Variants in BAIAP2L2 observed in about 807,000 individuals in gnomAD.
The protein encoded by BAIAP2L2 is BAR/IMD domain-containing adapter protein 2-like 2.
In BAIAP2L2, 65 loss-of-function variants were observed where a neutral mutation model predicts 60.4. That is an observed-to-expected ratio of 1.08 (90% CI 0.88 to 1.32). The LOEUF (loss-of-function observed/expected upper bound fraction) is 1.32. BAIAP2L2 is among the 40% of genes most tolerant of loss of function. The pLI, the probability that BAIAP2L2 is intolerant of heterozygous loss-of-function variation, is 0.00. For synonymous variants in BAIAP2L2, 344 were observed against 301.7 expected, an observed-to-expected ratio of 1.14 and a Z score of -1.45; for missense variants, 836 against 741.2, an observed-to-expected ratio of 1.13 and a Z score of -1.48.
chr22:38,092,423 T>A (rs971690261), intron 7 of BAIAP2L2, among the ~76,000 whole-genome samples: 2 of 152,080 alleles, frequency 1.3e-5, no homozygotes. Context: ...ATTACAGTCA[T>A]CCGCCACCAT....
At chr22:38,097,283 C>T in intron 6 of BAIAP2L2, 105 bp from the exon 7 acceptor site, 1 of 1,333,158 alleles carries the variant, frequency 7.5e-7, no homozygotes, top group Non-Finnish European at 1.0e-6. Context: ...TCCTGACTGC[C>T]CTCTCCCCAA....
At chr22:38,085,450 G>C in intron 13 of BAIAP2L2, 75 bp from the exon 14 acceptor site, 1 of 1,497,060 alleles carries the variant, frequency 6.7e-7, no homozygotes, top group Non-Finnish European at 9.2e-7. Context: ...AAGGCAGCTG[G>C]GCAACTGAGC....
intron 7 of BAIAP2L2, among the ~76,000 whole-genome samples, chr22:38,093,095 G>A (rs1485010838): frequency 6.6e-6 from 1 of 152,176 alleles, no homozygotes; most frequent in African/African-American, 2.4e-5. Flanking sequence ...GAACCCAGGA[G>A]GTGGAGGTTG....
intron 5 of BAIAP2L2, 78 bp downstream of exon 5, chr22:38,098,331 CTG>C: frequency 1.4e-6 from 2 of 1,480,616 alleles, no homozygotes; most frequent in African/African-American, 1.4e-5. Context: ...CAGCACTGGC[CTG>C]TGTGTGCCTA....
intron 12 of BAIAP2L2, 108 bp from the exon 13 acceptor site, chr22:38,085,840 G>T: frequency 1.8e-6 from 2 of 1,106,078 alleles, no homozygotes; most frequent in Non-Finnish European, 2.6e-6. Context: ...GGGCCAGAGA[G>T]CCCCTGCCAT....
At chr22:38,100,329 C>G (rs2086538992) in intron 4 of BAIAP2L2, among the ~76,000 whole-genome samples, 1 of 151,890 alleles carries the variant, frequency 6.6e-6, no homozygotes, top group South Asian at 2.1e-4. Flanking sequence ...AGCTTGTGAC[C>G]AGCCTGGCCA....
chr22:38,089,947 C>T (rs2086241496), intron 7 of BAIAP2L2, among the ~76,000 whole-genome samples: 1 of 152,154 alleles, frequency 6.6e-6, no homozygotes, highest in African/African-American at 2.4e-5. Flanking sequence ...CACCGCCCAG[C>T]TTCAGGGGTA....
At chr22:38,087,077 C>T in intron 11 of BAIAP2L2, 47 bp downstream of exon 11, 2 of 1,481,638 alleles carry the variant, frequency 1.3e-6, no homozygotes, top group East Asian at 2.7e-5. Flanking sequence ...GCAGTGACAC[C>T]CTTGCCGGCG....
At chr22:38,100,640 C>A (rs1453164493) in intron 4 of BAIAP2L2, among the ~76,000 whole-genome samples, 1 of 152,220 alleles carries the variant, frequency 6.6e-6, no homozygotes, top group Admixed American at 6.5e-5. Flanking sequence ...TACCCCTTCA[C>A]CTTCCGCCAT....
At chr22:38,089,464 G>A (rs2086223415) in intron 8 of BAIAP2L2, 58 bp downstream of exon 8, 10 of 1,035,448 alleles carry the variant, frequency 9.7e-6, no homozygotes, top group Non-Finnish European at 1.2e-5. Flanking sequence ...CTGAGGCCCC[G>A]GGCCCCCGCG....
At chr22:38,101,602 A>T (rs1248415934) in intron 4 of BAIAP2L2, among the ~76,000 whole-genome samples, 1 of 148,838 alleles carries the variant, frequency 6.7e-6, no homozygotes, top group Non-Finnish European at 1.5e-5. Flanking sequence ...GCCTGTAATC[A>T]CAGCACTTTG....
chr22:38,089,173 T>G lies in BAIAP2L2; in HGVS notation c.824A>C (p.Tyr275Ser). ...GGGCCTCGCGTCGGGCTCGGTGCCG[T>G]AGGAGCCGGAGCCGTGCCGGCTGCG... ...SPRSRHGSGS[Y>S]GTEPDARPAS... Residue 275 changes from tyrosine to serine, a missense_variant, in exon 9 of 14, where the codon TAC becomes TCC. Coordinates refer to ENST00000381669, the MANE Select transcript of BAIAP2L2 (RefSeq NM_025045.6). 2 of 1,305,498 alleles carry G rather than the reference T, an allele frequency of 1.5e-6. No individual in the cohort carries two copies. The highest frequency in any genetic ancestry group is 3.2e-5 in the East Asian group (1 of 31,194). The allele number at this position is 1,305,498 out of a possible 1,614,324, so 80.9% of individuals were successfully genotyped here.
At chr22:38,088,096 G>A (rs1349635885) in intron 10 of BAIAP2L2, among the ~76,000 whole-genome samples, 3 of 152,206 alleles carry the variant, frequency 2.0e-5, no homozygotes, top group Admixed American at 6.5e-5. Flanking sequence ...CAGCAGGAGT[G>A]GGCACCGTAC....
Position 38,098,153 on chromosome 22 carries a change from C to T in BAIAP2L2, c.375G>A (p.Glu125=), listed in dbSNP as rs1266318715. 2 of 1,614,116 alleles carry T rather than the reference C, an allele frequency of 1.2e-6. No individual in the cohort carries two copies. Among genetic ancestry groups the T allele is most frequent in the African/African-American group, 1.3e-5 (1 of 75,064 alleles). Reference sequence around the variant, plus strand: ...CCAGGTTGGCCGCTCGGTGGCGGTACTCGAGCTCATAGTGCTGGCGGCTGT... The same window carrying T: ...CCAGGTTGGCCGCTCGGTGGCGGTATTCGAGCTCATAGTGCTGGCGGCTGT... ...IKDSRQHYEL[E]YRHRAANLEK... The change falls in exon 6 of 14, where the codon GAG becomes GAA. Residue 125 remains glutamate, a synonymous_variant. Transcript: ENST00000381669.
At chr22:38,104,031 A>C (rs1290466326) in intron 4 of BAIAP2L2, among the ~76,000 whole-genome samples, 1 of 152,202 alleles carries the variant, frequency 6.6e-6, no homozygotes. Flanking sequence ...CATAAAGTTA[A>C]TTGGTGGCTT....
intron 12 of BAIAP2L2, 119 bp downstream of exon 12, chr22:38,086,123 C>T (rs1344150717): frequency 8.7e-7 from 1 of 1,148,278 alleles, no homozygotes; most frequent in Non-Finnish European, 1.3e-6. Flanking sequence ...GAGGAACAGA[C>T]TGAGTGAGGC....
intron 1 of BAIAP2L2, 132 bp from the exon 2 acceptor site, chr22:38,109,340 G>A (rs6001008): frequency 0.47 from 324,780 of 696,576 alleles, 78,044 homozygotes; most frequent in African/African-American, 0.6. Flanking sequence ...GACTTTGGGG[G>A]GCCCATCTAC....
Position 38,086,285 on chromosome 22 carries a change from C to G in BAIAP2L2, c.1424G>C (p.Arg475Pro), listed in dbSNP as rs755152396. 4 of 1,589,522 alleles carry G rather than the reference C, an allele frequency of 2.5e-6. No individual in the cohort carries two copies. The Admixed American group carries it at 6.9e-5, about 27-fold the overall frequency. Residue 475 changes from arginine to proline, a missense_variant, in exon 12 of 14, where the codon CGC (arginine) becomes CCC (proline). Physicochemically the swap from Arg to Pro is moderately radical, Grantham distance 103 (BLOSUM62 -2). Coordinates refer to ENST00000381669, the MANE Select transcript of BAIAP2L2 (RefSeq NM_025045.6). ...TGCTGTGCTGCCCATGCTGCTGCGG[C>G]GGCTGCTGGGCAAGGGTGGAGGTGC... ...SPAPPPLPSSRRSSMGSTAVA... is the reference protein window; with the variant it reads ...SPAPPPLPSSPRSSMGSTAVA...
At chr22:38,097,880 CT>C (rs941593040) in intron 6 of BAIAP2L2, among the ~76,000 whole-genome samples, 182 bp downstream of exon 6, 2 of 152,072 alleles carry the variant, frequency 1.3e-5, no homozygotes, top group African/African-American at 4.8e-5. Flanking sequence ...GGGCGTGGCC[CT>C]AGGAGCTAGT....
Sources: allele counts gnomAD v4.1 joint callset (sites outside exome capture counted in the v4.1 genomes callset), GRCh38; gene constraint gnomAD v4.1.1; transcripts MANE v1.5; gene names NCBI Gene and HGNC (gene_info 2026-07-23, HGNC 2026-07-21).